UTRN: variants seen among roughly 807,000 people sequenced by gnomAD.
UTRN encodes the protein utrophin, also known as dystrophin-related protein 1.
A neutral mutation model predicts 463.9 loss-of-function variants in UTRN; 283 were observed. The observed-to-expected ratio is 0.61, with a 90% CI of 0.55 to 0.67. UTRN has a LOEUF of 0.67. Ranked by LOEUF, UTRN falls within the 30% of genes least tolerant of loss-of-function variation. The probability of loss-of-function intolerance (pLI) is 0.00; values close to 1 mark genes in which losing one functional copy is unlikely to be tolerated. For synonymous variants in UTRN, 1,442 were observed against 1,431.5 expected (o/e 1.01, Z -0.17); for missense variants, 3,922 against 4,084.3 (o/e 0.96, Z 1.08).
chr6:144,396,897 C>T (rs778287229), intron 2 of UTRN, among the ~76,000 whole-genome samples: 1 of 152,104 alleles, frequency 6.6e-6, no homozygotes, highest in Non-Finnish European at 1.5e-5. Context: ...TCTGTGGCTC[C>T]GTGATAGTAA....
chr6:144,368,658 C>G (rs1273621643), intron 2 of UTRN, among the ~76,000 whole-genome samples: 1 of 151,996 alleles, frequency 6.6e-6, no homozygotes, highest in African/African-American at 2.4e-5. Context: ...CCTGTAGTCC[C>G]AGCTACTCAG....
At chr6:144,725,236 C>A (rs960912254) in intron 53 of UTRN, among the ~76,000 whole-genome samples, 3 of 152,222 alleles carry the variant, frequency 2.0e-5, no homozygotes, top group Non-Finnish European at 2.9e-5. Flanking sequence ...TGCCTCCCGC[C>A]ATGTAAGACG....
intron 60 of UTRN, among the ~76,000 whole-genome samples, chr6:144,781,180 G>A (rs1275990860): frequency 6.6e-6 from 1 of 152,154 alleles, no homozygotes; most frequent in East Asian, 1.9e-4. Context: ...ACAAATTTGT[G>A]AAGACCAATG....
chr6:144,337,763 C>T (rs1046733503), intron 2 of UTRN, among the ~76,000 whole-genome samples: 10 of 152,120 alleles, frequency 6.6e-5, no homozygotes, highest in African/African-American at 1.9e-4. Context: ...TACAGGCACA[C>T]GCCACCACGC....
intron 51 of UTRN, among the ~76,000 whole-genome samples, chr6:144,657,753 G>A (rs1195841825): frequency 6.6e-6 from 1 of 152,194 alleles, no homozygotes; most frequent in Non-Finnish European, 1.5e-5. Context: ...CTTCTGATCT[G>A]TGCATGGGGG....
rs11968673 is a variant in UTRN, at chr6:144,464,001, C to A, written c.3066+1135C>A. 6.5e-3 allele frequency among the ~76,000 whole-genome samples: 973 copies of A among 150,368 alleles called. 7 individuals are homozygous for A. The highest frequency in any genetic ancestry group is 0.022 in the African/African-American group (916 of 40,978). ...ATATATGTAGATACAATATATATAT[C>A]TACATATATTTGGATCTACATCTAA... is the stretch of plus-strand genomic sequence containing the variant. On this transcript the variant is annotated intron_variant, in intron 23 of 74. Coordinates refer to ENST00000367545, the MANE Select transcript of UTRN (RefSeq NM_007124.3).
At chr6:144,817,247 C>T (rs939476266) in intron 65 of UTRN, among the ~76,000 whole-genome samples, 17 of 152,138 alleles carry the variant, frequency 1.1e-4, no homozygotes, top group Non-Finnish European at 2.2e-4. Flanking sequence ...CTATGCTAAC[C>T]TGTTACCCTT....
intron 38 of UTRN, among the ~76,000 whole-genome samples, 193 bp from the exon 39 acceptor site, chr6:144,516,618 A>G (rs1795631735): frequency 6.6e-6 from 1 of 151,804 alleles, no homozygotes; most frequent in Non-Finnish European, 1.5e-5. Context: ...ATGTTTGCTA[A>G]ACTCTCTTTG....
At chr6:144,673,973 C>T (rs1176166843) in intron 51 of UTRN, among the ~76,000 whole-genome samples, 1 of 152,140 alleles carries the variant, frequency 6.6e-6, no homozygotes, top group Non-Finnish European at 1.5e-5. Context: ...AATAAGACCC[C>T]AATCCCTTCT....
At chr6:144,498,269 A>G (rs963093927) in intron 33 of UTRN, among the ~76,000 whole-genome samples, 1 of 152,190 alleles carries the variant, frequency 6.6e-6, no homozygotes, top group Admixed American at 6.5e-5. Flanking sequence ...TTTAAGTTTC[A>G]TTTTCATTAT....
intron 60 of UTRN, among the ~76,000 whole-genome samples, chr6:144,777,134 G>T (rs57034177): frequency 6.6e-6 from 1 of 152,100 alleles, no homozygotes; most frequent in African/African-American, 2.4e-5. Context: ...CACAGAGCAG[G>T]GGTTGCTTAG....
chr6:144,471,035 A>G (rs1237556285), intron 23 of UTRN, among the ~76,000 whole-genome samples: 1 of 69,402 alleles, frequency 1.4e-5, no homozygotes, highest in African/African-American at 5.6e-5. Flanking sequence ...GAGGGAGACG[A>G]GGGAGGGGGA....
chr6:144,791,333 C>T (rs1776736434), intron 62 of UTRN, among the ~76,000 whole-genome samples: 1 of 152,108 alleles, frequency 6.6e-6, no homozygotes, highest in South Asian at 2.1e-4. Context: ...TGGTCCTTTC[C>T]TAAGAATATT....
At position 144,748,517 on chromosome 6, in the gene UTRN, C is replaced by A; in HGVS notation, c.8208+3C>A. 6.2e-7 allele frequency: 1 copy of A among 1,611,124 alleles called. No individual in the cohort carries two copies. Among genetic ancestry groups the A allele is most frequent in the South Asian group, 1.1e-5 (1 of 90,292 alleles). ...AGGATCACATTGAAAAAATCATGGT[C>A]AGCATCATTGTCTTTGAAGGATTTT... On this transcript the variant is annotated splice_donor_region_variant and intron_variant, in intron 55 of 74. Transcript: ENST00000367545.
chr6:144,686,002 T>C (rs1054627953), intron 52 of UTRN, among the ~76,000 whole-genome samples: 1 of 152,166 alleles, frequency 6.6e-6, no homozygotes, highest in African/African-American at 2.4e-5. Flanking sequence ...TTTCCTAGAA[T>C]TTCTTCTAAA....
chr6:144,477,060 G>A (rs566424232), intron 25 of UTRN, among the ~76,000 whole-genome samples: 2 of 152,308 alleles, frequency 1.3e-5, no homozygotes, highest in African/African-American at 2.4e-5. Flanking sequence ...TGAAGTCTGT[G>A]ATTATGCGAG....
chr6:144,594,199 C>A (rs76466184), intron 51 of UTRN, among the ~76,000 whole-genome samples: 10,534 of 152,150 alleles, frequency 0.069, 992 homozygotes, highest in East Asian at 0.52. Context: ...TGACCAATTT[C>A]CTTATTTTAT....
intron 3 of UTRN, 24 bp downstream of exon 3, chr6:144,403,208 C>T (rs780360285): frequency 6.2e-6 from 10 of 1,606,042 alleles, no homozygotes; most frequent in East Asian, 4.5e-5. Context: ...TCAAAAACTT[C>T]GATGGTTCAG....
intron 63 of UTRN, among the ~76,000 whole-genome samples, 171 bp downstream of exon 63, chr6:144,794,162 A>T (rs1777012039): frequency 6.6e-6 from 1 of 152,214 alleles, no homozygotes; most frequent in Non-Finnish European, 1.5e-5. Context: ...AAAAAATAGC[A>T]ACCCTTGCAA....
Sources: allele counts gnomAD v4.1 joint callset (sites outside exome capture counted in the v4.1 genomes callset), GRCh38; gene constraint gnomAD v4.1.1; transcripts MANE v1.5; gene names NCBI Gene and HGNC (gene_info 2026-07-23, HGNC 2026-07-21).